The following HLCS variants were observed in gnomAD, a reference collection of about 807,000 sequenced individuals.
HLCS encodes biotin--protein ligase.
In HLCS, 53 loss-of-function variants were observed where a neutral mutation model predicts 75.0. The observed-to-expected ratio is 0.71, with a 90% CI of 0.57 to 0.89. HLCS has a LOEUF of 0.89. HLCS is among the 40% of genes least tolerant of loss of function. The pLI is 0.00. For synonymous variants in HLCS, 431 were observed against 428.6 expected, an observed-to-expected ratio of 1.01 and a Z score of -0.07; for missense variants, 966 against 1,074.0, an observed-to-expected ratio of 0.90 and a Z score of 1.41.
At chr21:36,777,021 C>T (rs779749089) in intron 6 of HLCS, among the ~76,000 whole-genome samples, 4 of 152,136 alleles carry the variant, frequency 2.6e-5, no homozygotes, top group Non-Finnish European at 5.9e-5. Context: ...CCAACAGTTT[C>T]CTTATCATTC....
chr21:36,863,633 C>G (rs6517386), intron 6 of HLCS, among the ~76,000 whole-genome samples: 43,816 of 152,064 alleles, frequency 0.29, 7,530 homozygotes, highest in African/African-American at 0.48. Context: ...CACTTAAAGA[C>G]CTCACTGCAG....
chr21:36,830,446 A>G (rs2062163829), intron 6 of HLCS, among the ~76,000 whole-genome samples: 2 of 152,152 alleles, frequency 1.3e-5, no homozygotes, highest in African/African-American at 4.8e-5. Flanking sequence ...TTGTCAGAAT[A>G]TATCTTTCTC....
rs35868871 is a variant in HLCS at position 36,958,789 on chromosome 21, C to CA, written c.330+3246dup. Among the ~76,000 whole-genome samples, 3 of 150,114 alleles carry CA rather than the reference C, an allele frequency of 2.0e-5. No individual in the cohort carries two copies. The South Asian group carries it at 6.3e-4, about 32-fold the overall frequency. On this transcript the variant is annotated intron_variant, in intron 2 of 10. Coordinates refer to ENST00000674895, the MANE Select transcript of HLCS (RefSeq NM_001352514.2). Reference sequence around the variant, plus strand: ...GGGCAACACAGCAAGACTCCATCTCCAAAAAAAAAAGAAAGAAAACTTTGT... The same window carrying CA: ...GGGCAACACAGCAAGACTCCATCTCCAAAAAAAAAAAGAAAGAAAACTTTGT...
chr21:36,961,409 A>G (rs771662964), intron 2 of HLCS, among the ~76,000 whole-genome samples: 1 of 152,098 alleles, frequency 6.6e-6, no homozygotes, highest in Non-Finnish European at 1.5e-5. Flanking sequence ...TAATCCAAGT[A>G]TTTTGGGAGG....
intron 8 of HLCS, 59 bp from the exon 9 acceptor site, chr21:36,759,900 T>A: frequency 9.5e-7 from 1 of 1,056,234 alleles, no homozygotes; most frequent in Non-Finnish European, 1.5e-6. Context: ...CCCAGGCAAG[T>A]CACTGAGCTA....
intron 8 of HLCS, among the ~76,000 whole-genome samples, chr21:36,762,147 G>A (rs950820765): frequency 1.3e-5 from 2 of 152,230 alleles, no homozygotes; most frequent in African/African-American, 4.8e-5. Flanking sequence ...CTTTTGAAGA[G>A]CTGCTAACAT....
At chr21:36,792,242 A>T (rs1209512237) in intron 6 of HLCS, among the ~76,000 whole-genome samples, 2 of 151,898 alleles carry the variant, frequency 1.3e-5, no homozygotes, top group African/African-American at 4.8e-5. Context: ...CGCTCTGGGG[A>T]CCGTCAGCCT....
At chr21:36,973,745 C>T (rs1292043507) in intron 1 of HLCS, 1 of 152,270 alleles carries the variant, frequency 6.6e-6, no homozygotes, top group Non-Finnish European at 1.5e-5. Flanking sequence ...AATCCCGGCA[C>T]TTCGGGAGGC....
intron 6 of HLCS, among the ~76,000 whole-genome samples, chr21:36,770,733 C>T (rs2060179350): frequency 6.6e-6 from 1 of 152,118 alleles, no homozygotes; most frequent in South Asian, 2.1e-4. Flanking sequence ...ACCACCACAC[C>T]TGGCTAATTT....
At chr21:36,876,143 G>A (rs1387188653) in intron 6 of HLCS, among the ~76,000 whole-genome samples, 7 of 152,078 alleles carry the variant, frequency 4.6e-5, no homozygotes, top group Admixed American at 2.6e-4. Flanking sequence ...ACAACCCCTC[G>A]CCAGTGTGCG....
intron 5 of HLCS, among the ~76,000 whole-genome samples, chr21:36,911,938 G>A (rs1010395191): frequency 1.3e-5 from 2 of 151,752 alleles, no homozygotes; most frequent in Non-Finnish European, 2.9e-5. Flanking sequence ...AGGCGTGGTG[G>A]TGAGCACCTG....
chr21:36,920,941 T>C (rs898708372), intron 5 of HLCS, among the ~76,000 whole-genome samples: 2 of 152,186 alleles, frequency 1.3e-5, no homozygotes, highest in African/African-American at 4.8e-5. Flanking sequence ...CATTTTTTAA[T>C]TTATGAAACT....
intron 5 of HLCS, among the ~76,000 whole-genome samples, chr21:36,909,668 C>T (rs2065617985): frequency 6.6e-6 from 1 of 152,204 alleles, no homozygotes; most frequent in Admixed American, 6.5e-5. Context: ...TCATAGATCA[C>T]TGTAACCTTG....
intron 6 of HLCS, among the ~76,000 whole-genome samples, chr21:36,831,392 G>A (rs950199665): frequency 6.6e-6 from 1 of 152,104 alleles, no homozygotes; most frequent in Non-Finnish European, 1.5e-5. Context: ...TAGAAATAAA[G>A]TTACTGGGCC....
intron 6 of HLCS, among the ~76,000 whole-genome samples, chr21:36,838,338 C>A (rs2062491692): frequency 7.0e-6 from 1 of 143,622 alleles, no homozygotes; most frequent in South Asian, 2.2e-4. Flanking sequence ...ACCCCCACAA[C>A]CAACTCCTAG....
At chr21:36,954,430 T>C (rs554078371) in intron 2 of HLCS, among the ~76,000 whole-genome samples, 2 of 151,158 alleles carry the variant, frequency 1.3e-5, no homozygotes, top group African/African-American at 4.9e-5. Flanking sequence ...CTGGCTAACA[T>C]GGTGAAACCC....
intron 6 of HLCS, among the ~76,000 whole-genome samples, chr21:36,830,864 C>T (rs1234975641): frequency 1.3e-5 from 2 of 150,634 alleles, no homozygotes; most frequent in East Asian, 1.9e-4. Context: ...ACAGGTGATC[C>T]CTACATCCAG....
intron 6 of HLCS, among the ~76,000 whole-genome samples, chr21:36,811,848 C>G (rs1601354458): frequency 1.3e-5 from 2 of 152,330 alleles, no homozygotes; most frequent in African/African-American, 4.8e-5. Flanking sequence ...GGAGGACTGG[C>G]AGCGGGGGCT....
intron 8 of HLCS, among the ~76,000 whole-genome samples, chr21:36,761,717 T>C (rs1322185437): frequency 6.6e-6 from 1 of 152,196 alleles, no homozygotes; most frequent in Non-Finnish European, 1.5e-5. Context: ...AAGTCTCCTC[T>C]AGGAAACCTG....
Sources: allele counts gnomAD v4.1 joint callset (sites outside exome capture counted in the v4.1 genomes callset), GRCh38; gene constraint gnomAD v4.1.1; transcripts MANE v1.5; gene names NCBI Gene and HGNC (gene_info 2026-07-23, HGNC 2026-07-21).